Variants in KIF13A observed in about 807,000 individuals in gnomAD.
The protein encoded by KIF13A is kinesin-like protein KIF13A.
KIF13A carries 79 observed loss-of-function variants against 212.2 expected under a neutral mutation model. That is an observed-to-expected ratio of 0.37 (90% confidence interval 0.31 to 0.45). The LOEUF (loss-of-function observed/expected upper bound fraction) is 0.45. KIF13A is among the 20% of genes least tolerant of loss of function. The probability of loss-of-function intolerance (pLI) is 1.00; values close to 1 mark genes in which losing one functional copy is unlikely to be tolerated. For missense variants in KIF13A, 1,901 were observed against 2,209.0 expected (o/e 0.86, Z 2.79); for synonymous variants, 789 against 808.6 (o/e 0.98, Z 0.41).
At chr6:17,975,058 T>C (rs948879683) in intron 2 of KIF13A, among the ~76,000 whole-genome samples, 1 of 152,162 alleles carries the variant, frequency 6.6e-6, no homozygotes, top group Non-Finnish European at 1.5e-5. Flanking sequence ...AAATGCACAT[T>C]CCCAGCTGGG....
chr6:17,919,012 A>G lies in KIF13A; in HGVS notation c.147-20832T>C, dbSNP rs1271645504. Among the ~76,000 whole-genome samples the G allele has an allele frequency of 1.3e-5, 2 of 152,200 alleles. No individual in the cohort carries two copies. The highest frequency in any genetic ancestry group is 2.9e-5 in the Non-Finnish European group (2 of 68,030). On this transcript the variant is annotated intron_variant, in intron 2 of 38. Coordinates refer to ENST00000259711, the MANE Select transcript of KIF13A (RefSeq NM_022113.6). The surrounding 1 kb of genome is among the most constrained non-coding windows in gnomAD (Gnocchi z 4.1). The stretch of plus-strand genomic sequence containing the variant: ...GTGCCTACAGGGTTGTCAGGCACGA[A>G]ATAGTCACTCAGTAAGTATCTCTTA...
rs1458338288 is a variant in KIF13A at position 17,888,612 on chromosome 6, C to T, written c.159+9556G>A. ...GCCAAAGCGGGCAGATCACTTGAGG[C>T]CGGGAGTTCGAGACCAGCTTGGCCA... On this transcript the variant is annotated intron_variant, in intron 3 of 38. Coordinates refer to ENST00000259711, the MANE Select transcript of KIF13A (RefSeq NM_022113.6). This position sits in a 1 kb window ranked among gnomAD's most constrained non-coding sequence, Gnocchi z 4.8. 2.0e-5 allele frequency among the ~76,000 whole-genome samples: 3 copies of T among 152,124 alleles called. No individual in the cohort carries two copies. Among genetic ancestry groups the T allele is most frequent in the Admixed American group, 2.0e-4 (3 of 15,280 alleles).
At chr6:17,980,639 A>G (rs1780980918) in intron 2 of KIF13A, among the ~76,000 whole-genome samples, 1 of 152,204 alleles carries the variant, frequency 6.6e-6, no homozygotes. Context: ...ATGCTAAAGT[A>G]ATTAAGTACA....
chr6:17,933,529 C>T (rs12664674), intron 2 of KIF13A, among the ~76,000 whole-genome samples: 2 of 150,658 alleles, frequency 1.3e-5, no homozygotes, highest in East Asian at 3.9e-4. Flanking sequence ...TAGGTGTGGG[C>T]CACAATGTTT....
At chr6:17,924,391 T>C (rs1775322515) in intron 2 of KIF13A, among the ~76,000 whole-genome samples, 1 of 152,212 alleles carries the variant, frequency 6.6e-6, no homozygotes, top group Admixed American at 6.5e-5. Context: ...AATGATACTC[T>C]CAATGTTGTT....
At position 17,890,796 on chromosome 6, in the gene KIF13A, A is replaced by G. The variant is rs561900370; in HGVS notation, c.159+7372T>C. On this transcript the variant is annotated intron_variant, in intron 3 of 38. Coordinates refer to ENST00000259711, the MANE Select transcript of KIF13A (RefSeq NM_022113.6). ...GACATGTTACTATGCCCAGCTAATA[A>G]TAATAATAATAATAATAATAATGTT... Among the ~76,000 whole-genome samples, 3 of 147,556 alleles carry G rather than the reference A, an allele frequency of 2.0e-5. No homozygotes were observed. The East Asian group carries it at 5.9e-4, about 29-fold the overall frequency.
intron 3 of KIF13A, chr6:17,881,615 T>G (rs749807664): frequency 2.8e-6 from 1 of 359,340 alleles, no homozygotes; most frequent in Non-Finnish European, 5.4e-6. Context: ...GAGAATCACT[T>G]GAACTCAGGA....
intron 2 of KIF13A, among the ~76,000 whole-genome samples, chr6:17,948,423 G>GA (rs1777585580): frequency 6.6e-6 from 1 of 151,970 alleles, no homozygotes; most frequent in Non-Finnish European, 1.5e-5. Context: ...CCCAACTTCA[G>GA]AAAAAATGAC....
intron 34 of KIF13A, among the ~76,000 whole-genome samples, chr6:17,775,606 T>TA (rs1243741445): frequency 6.6e-6 from 1 of 152,218 alleles, no homozygotes; most frequent in Non-Finnish European, 1.5e-5. Flanking sequence ...AGCATAGTAA[T>TA]AGTCATTATT....
rs920976653 is a variant in KIF13A at position 17,886,640 on chromosome 6, T to C, written c.159+11528A>G. ...ACAGAGTTCCAGTGAGAACATTTGG[T>C]TCTGAACAAAGTCGGGCAGAAGGAA... On this transcript the variant is annotated intron_variant, in intron 3 of 38. Coordinates refer to ENST00000259711, the MANE Select transcript of KIF13A (RefSeq NM_022113.6). The surrounding 1 kb of genome is among the most constrained non-coding windows in gnomAD (Gnocchi z 5.6). 2.6e-5 allele frequency among the ~76,000 whole-genome samples: 4 copies of C among 152,148 alleles called. No homozygotes were observed. The highest frequency in any genetic ancestry group is 4.8e-5 in the African/African-American group (2 of 41,426).
Position 17,771,099 on chromosome 6 carries a change from G to A in KIF13A, c.4581+15C>T, listed in dbSNP as rs547821408. On this transcript the variant is annotated intron_variant, in intron 38 of 38. Transcript: ENST00000259711. This position sits in a 1 kb window ranked among gnomAD's most constrained non-coding sequence, Gnocchi z 5.4. ...CACCACCAGGCAATATGACAGAAAT[G>A]GTTCCGGAACTTACAATCTTCTTCT... 1.3e-6 allele frequency: 2 copies of A among 1,564,062 alleles called. No homozygotes were observed. The highest frequency in any genetic ancestry group is 1.3e-5 in the African/African-American group (1 of 74,126).
rs761331367 is a variant in KIF13A, at chr6:17,794,740, C to T, written c.2943-36G>A. On this transcript the variant is annotated intron_variant, in intron 23 of 38. Transcript: ENST00000259711. The surrounding 1 kb of genome is among the most constrained non-coding windows in gnomAD (Gnocchi z 4.1). ...ACATTCCAACAAGCAAGAGCGTCAT[C>T]GTCCAGGGATACTGTTAGTAATAGT... is the stretch of plus-strand genomic sequence containing the variant. 7.5e-6 allele frequency: 12 copies of T among 1,593,092 alleles called. No homozygotes were observed. The highest frequency in any genetic ancestry group is 1.0e-5 in the Non-Finnish European group (12 of 1,172,776).
intron 4 of KIF13A, among the ~76,000 whole-genome samples, chr6:17,865,475 A>G (rs1769270159): frequency 6.6e-6 from 1 of 152,216 alleles, no homozygotes; most frequent in Non-Finnish European, 1.5e-5. Context: ...CCAGCTCCAA[A>G]TCAGAGCACC....
In KIF13A at chr6:17,786,774, A is replaced by ACACTGTAC. The variant is rs1761095419; in HGVS notation, c.3361+1001_3361+1002insGTACAGTG. 6.6e-6 allele frequency among the ~76,000 whole-genome samples: 1 copy of ACACTGTAC among 152,128 alleles called. No individual in the cohort carries two copies. Among genetic ancestry groups the ACACTGTAC allele is most frequent in the Admixed American group, 6.5e-5 (1 of 15,278 alleles). On this transcript the variant is annotated intron_variant, in intron 27 of 38. Transcript: ENST00000259711. This position sits in a 1 kb window ranked among gnomAD's most constrained non-coding sequence, Gnocchi z 5.4. ...ACAGTCTAAGTGAGTTTTCATTAGC[A>ACACTGTAC]GCCTGAGCACACACACAAGGCGACA...
chr6:17,905,163 T>C (rs570315541), intron 2 of KIF13A, among the ~76,000 whole-genome samples: 10 of 152,376 alleles, frequency 6.6e-5, no homozygotes, highest in Middle Eastern at 6.8e-3. Flanking sequence ...TTAGCTATCA[T>C]TAGTATTAGT....
intron 26 of KIF13A, among the ~76,000 whole-genome samples, chr6:17,788,859 G>C (rs1234090533): frequency 6.6e-6 from 1 of 152,134 alleles, no homozygotes; most frequent in Non-Finnish European, 1.5e-5. Context: ...CGAGTAGCTG[G>C]GATTATAGGC....
In KIF13A at chr6:17,874,189, A is replaced by T. The variant is rs554101617; in HGVS notation, c.160-752T>A. 4.6e-5 allele frequency among the ~76,000 whole-genome samples: 7 copies of T among 152,144 alleles called. No individual in the cohort carries two copies. In the South Asian group the frequency reaches 1.2e-3, roughly 27 times the overall value. On this transcript the variant is annotated intron_variant, in intron 3 of 38. Transcript: ENST00000259711. ...CCATGATATCATCTGTAGCATACTG[A>T]AGTTCAAAACTCTCCATATTCCCAT...
At chr6:17,979,761 T>C (rs1034214456) in intron 2 of KIF13A, among the ~76,000 whole-genome samples, 4 of 146,342 alleles carry the variant, frequency 2.7e-5, no homozygotes, top group African/African-American at 1.0e-4. Context: ...AAGAATAAGA[T>C]GGTTTGAAAA....
In KIF13A at chr6:17,849,903, G is replaced by A. The variant is rs1353940938; in HGVS notation, c.718-414C>T. ...GCTATGAAGCTGACATGTTTCCATG[G>A]GAATTTCAGCATGAAAGGATATATA... On this transcript the variant is annotated intron_variant, in intron 8 of 38. Coordinates refer to ENST00000259711, the MANE Select transcript of KIF13A (RefSeq NM_022113.6). The surrounding 1 kb of genome is among the most constrained non-coding windows in gnomAD (Gnocchi z 5.7). 6.6e-6 allele frequency among the ~76,000 whole-genome samples: 1 copy of A among 152,158 alleles called. No homozygotes were observed. The highest frequency in any genetic ancestry group is 1.5e-5 in the Non-Finnish European group (1 of 68,026).
Sources: gnomAD v4.1 joint callset for allele counts (sites outside exome capture counted in the v4.1 genomes callset) on GRCh38, gnomAD v4.1.1 for gene constraint, Gnocchi (gnomAD v3.1) non-coding constraint, MANE v1.5 for transcripts, NCBI Gene and HGNC (gene_info 2026-07-23, HGNC 2026-07-21) for gene names.